Variants in KIF9 observed in about 807,000 individuals in gnomAD.
KIF9 encodes kinesin-like protein KIF9.
KIF9 carries 68 observed loss-of-function variants against 94.8 expected under a neutral mutation model. The observed-to-expected ratio is 0.72, with a 90% CI of 0.59 to 0.88. The LOEUF (loss-of-function observed/expected upper bound fraction) is 0.88. Among genes scored for constraint, KIF9 ranks in the 40% least tolerant of loss-of-function variants. The pLI is 0.00. For synonymous variants in KIF9, 343 were observed against 362.1 expected, an observed-to-expected ratio of 0.95 and a Z score of 0.60; for missense variants, 882 against 982.5, an observed-to-expected ratio of 0.90 and a Z score of 1.37.
chr3:47,282,123 TG>T, intron 1 of KIF9: 1 of 914,210 alleles, frequency 1.1e-6, no homozygotes, highest in Non-Finnish European at 1.3e-6. Flanking sequence ...GGTCCCTCTC[TG>T]GAGAGGTTTC....
rs773308010 is a variant in KIF9, at chr3:47,228,628, C to G, written c.*24G>C. 6.2e-7 allele frequency: 1 copy of G among 1,607,718 alleles called. No homozygotes were observed. Among genetic ancestry groups the G allele is most frequent in the Admixed American group, 1.7e-5 (1 of 59,994 alleles). On this transcript the variant is annotated 3_prime_UTR_variant, in exon 21 of 21. Coordinates refer to ENST00000684063, the MANE Select transcript of KIF9 (RefSeq NM_182902.4). ...GTAGGTGGGAGTTGCTGGTCTTGTC[C>G]TTTAAGGTACTGGCGATGAGGTTCT...
At chr3:47,250,969 G>A (rs1462942973) in intron 10 of KIF9, among the ~76,000 whole-genome samples, 1 of 152,186 alleles carries the variant, frequency 6.6e-6, no homozygotes, top group African/African-American at 2.4e-5. Flanking sequence ...GCATCCTGAT[G>A]GCTCTGTGGC....
intron 4 of KIF9, among the ~76,000 whole-genome samples, chr3:47,272,007 C>T (rs776603698): frequency 4.6e-5 from 7 of 152,140 alleles, no homozygotes; most frequent in Admixed American, 6.5e-5. Context: ...GTAGTCCCAG[C>T]GACTCGGGAG....
intron 20 of KIF9, among the ~76,000 whole-genome samples, chr3:47,230,560 C>T (rs1007731309): frequency 6.6e-6 from 1 of 151,094 alleles, no homozygotes; most frequent in Non-Finnish European, 1.5e-5. Context: ...GGAAAAATCC[C>T]ATCTCTACTA....
At chr3:47,252,520 C>T (rs900258159) in intron 10 of KIF9, among the ~76,000 whole-genome samples, 1 of 151,870 alleles carries the variant, frequency 6.6e-6, no homozygotes, top group Non-Finnish European at 1.5e-5. Context: ...TTGCTTGAGC[C>T]CAGGCAGTTG....
rs1294591071 is a variant in KIF9 at position 47,245,040 on chromosome 3, G to A, written c.1381-116C>T. ...TGGACATGTTCACCATACACACCAAGGTTTGACAGCTGCTGATGCCAGCCT... is the reference window on the plus strand; with the variant it reads ...TGGACATGTTCACCATACACACCAAAGTTTGACAGCTGCTGATGCCAGCCT... On this transcript the variant is annotated intron_variant, in intron 14 of 20. Transcript: ENST00000684063. 5.1e-6 allele frequency: 7 copies of A among 1,381,680 alleles called. No homozygotes were observed. The Admixed American group carries it at 1.6e-4, about 33-fold the overall frequency. 85.6% of individuals were successfully genotyped at this position (1,381,680 alleles called of 1,614,324 possible). A position where few individuals can be genotyped will look rare whatever the true frequency, so the allele number is the denominator to read the frequency against.
Position 47,248,003 on chromosome 3 carries a change from C to G in KIF9, c.1128+15G>C. Reference sequence around the variant, plus strand: ...CCAGCACCTCTGCCCTCCTTCTTTGCCTCTAGCCTCTTACCAGGCTGTCAT... The same window carrying G: ...CCAGCACCTCTGCCCTCCTTCTTTGGCTCTAGCCTCTTACCAGGCTGTCAT... On this transcript the variant is annotated intron_variant, in intron 11 of 20. Coordinates refer to ENST00000684063, the MANE Select transcript of KIF9 (RefSeq NM_182902.4). The G allele has an allele frequency of 6.2e-7, 1 of 1,605,100 alleles. No homozygotes were observed.
chr3:47,271,830 ATTAT>A (rs1456406752), intron 4 of KIF9, among the ~76,000 whole-genome samples: 1 of 152,130 alleles, frequency 6.6e-6, no homozygotes, highest in East Asian at 1.9e-4. Context: ...ACAAAATAAA[ATTAT>A]TTGTCAGCCG....
chr3:47,250,571 C>T, intron 10 of KIF9: 1 of 492,802 alleles, frequency 2.0e-6, no homozygotes, highest in Admixed American at 2.0e-5. Context: ...AAGGGTGGCA[C>T]ATCTCACACA....
Position 47,271,416 on chromosome 3 carries a change from GCA to G in KIF9, c.410_411del (p.Val137AlafsTer9). ...TTATAGATTTCCAAGTAGGAAACAC[GCA>G]CAGTGATGGCATGTGTGGGGCGTTC... ...IEERPTHAIT[V>X]RVSYLEIYNE... On this transcript the variant is annotated frameshift_variant, in exon 5 of 21. Transcript: ENST00000684063. LOFTEE classifies it high-confidence loss of function. 1 of 1,614,040 alleles carries G rather than the reference GCA, an allele frequency of 6.2e-7. No homozygotes were observed. The highest frequency in any genetic ancestry group is 2.2e-5 in the East Asian group (1 of 44,864).
rs748494124 is a variant in KIF9 at position 47,236,417 on chromosome 3, G to T, written c.2101+26C>A. 3 of 1,611,444 alleles carry T rather than the reference G, an allele frequency of 1.9e-6. No homozygotes were observed. The South Asian group carries it at 3.3e-5, about 18-fold the overall frequency. ...CCTGAGTCTCCTTGTACCTCAGGTG[G>T]CGGCCAACCTTCCCAACTGTCGCAC... On this transcript the variant is annotated intron_variant, in intron 18 of 20. Coordinates refer to ENST00000684063, the MANE Select transcript of KIF9 (RefSeq NM_182902.4).
intron 5 of KIF9, among the ~76,000 whole-genome samples, chr3:47,269,292 T>C (rs1028005952): frequency 1.3e-5 from 2 of 152,226 alleles, no homozygotes; most frequent in Non-Finnish European, 2.9e-5. Context: ...ATTTCTTTTC[T>C]TGTTTTTGAG....
At chr3:47,281,290 G>T in intron 1 of KIF9, 1 of 451,776 alleles carries the variant, frequency 2.2e-6, no homozygotes, top group Non-Finnish European at 4.0e-6. Context: ...TTGGTTTCCA[G>T]GTGCAAAAAT....
chr3:47,263,925 CAT>C (rs762384603), intron 9 of KIF9: 8 of 465,258 alleles, frequency 1.7e-5, no homozygotes, highest in East Asian at 6.6e-5. Context: ...GATGTTTAAA[CAT>C]GTGTGATTAT....
chr3:47,276,315 G>C (rs1279157575), intron 2 of KIF9, among the ~76,000 whole-genome samples: 1 of 151,972 alleles, frequency 6.6e-6, no homozygotes, highest in Non-Finnish European at 1.5e-5. Context: ...CAGCACTTTG[G>C]GAGGCCGTGG....
chr3:47,256,943 A>G (rs1266685589), intron 10 of KIF9, among the ~76,000 whole-genome samples: 1 of 152,138 alleles, frequency 6.6e-6, no homozygotes, highest in East Asian at 1.9e-4. Context: ...GCTTGAAGGC[A>G]GCATGCTCTT....
intron 5 of KIF9, among the ~76,000 whole-genome samples, chr3:47,269,176 C>T (rs1291068422): frequency 1.3e-5 from 2 of 152,240 alleles, no homozygotes; most frequent in East Asian, 3.8e-4. Flanking sequence ...TGTGAATAGC[C>T]ATTGCACATG....
intron 9 of KIF9, among the ~76,000 whole-genome samples, chr3:47,257,811 C>A (rs527687476): frequency 6.6e-6 from 1 of 152,168 alleles, no homozygotes; most frequent in African/African-American, 2.4e-5. Context: ...TGTGAGGATG[C>A]GCACTGGTCT....
chr3:47,276,576 AAAAG>A (rs952827906), intron 2 of KIF9, among the ~76,000 whole-genome samples: 7 of 150,706 alleles, frequency 4.6e-5, no homozygotes, highest in South Asian at 2.1e-4. Context: ...AAAAAAAAAG[AAAAG>A]AAAGAAAGAA....
Sources: gnomAD v4.1 joint callset for allele counts (sites outside exome capture counted in the v4.1 genomes callset) on GRCh38, gnomAD v4.1.1 for gene constraint, MANE v1.5 for transcripts, NCBI Gene and HGNC (gene_info 2026-07-23, HGNC 2026-07-21) for gene names.